The following HMGN1 variants were observed in gnomAD, a reference collection of about 807,000 sequenced individuals.
HMGN1 encodes high mobility group nucleosome binding domain 1.
HMGN1 carries 9 observed loss-of-function variants against 18.4 expected under a neutral mutation model. The observed-to-expected ratio is 0.49, with a 90% CI of 0.29 to 0.85. HMGN1 has a LOEUF of 0.85. Among genes scored for constraint, HMGN1 ranks in the 40% least tolerant of loss-of-function variants. The probability of loss-of-function intolerance (pLI) is 0.07; values close to 1 mark genes in which losing one functional copy is unlikely to be tolerated. For missense variants in HMGN1, 151 were observed against 119.2 expected (o/e 1.27, Z -1.24); for synonymous variants, 59 against 45.0 (o/e 1.31, Z -1.24).
intron 5 of HMGN1, among the ~76,000 whole-genome samples, 169 bp downstream of exon 5, chr21:39,344,977 C>G (rs8127408): frequency 6.6e-6 from 1 of 152,154 alleles, no homozygotes; most frequent in Non-Finnish European, 1.5e-5. Context: ...TTTCCAATAA[C>G]ATAAATCATA....
At position 39,348,438 on chromosome 21, in the gene HMGN1, G is replaced by C. The variant is rs759884924; in HGVS notation, c.62C>G (p.Ser21Trp). The C allele has an allele frequency of 2.4e-5, 38 of 1,614,062 alleles. No homozygotes were observed. Among genetic ancestry groups the C allele is most frequent in the Non-Finnish European group, 3.2e-5 (38 of 1,180,036 alleles). ...TTTACTTACAGCTGACAACCGCGCCGATCTCCTCTTGGGCTTGGAGAAAGA... is the reference window on the plus strand; with the variant it reads ...TTTACTTACAGCTGACAACCGCGCCCATCTCCTCTTGGGCTTGGAGAAAGA... ...GAAKEEPKRR[S>W]ARLSAKPPAK... The change falls in exon 3 of 6, where the codon TCG (serine) becomes TGG (tryptophan). Residue 21 changes from serine to tryptophan, a missense_variant. Coordinates refer to ENST00000380749, the MANE Select transcript of HMGN1 (RefSeq NM_004965.7).
Position 39,342,753 on chromosome 21 carries a change from A to G in HMGN1, c.*359T>C. On this transcript the variant is annotated 3_prime_UTR_variant, in exon 6 of 6. Coordinates refer to ENST00000380749, the MANE Select transcript of HMGN1 (RefSeq NM_004965.7). ...AGAAGTAATTTAAAATGTTCAAGAC[A>G]TTAAATGCAGGACTGACTCCATATT... is the stretch of plus-strand genomic sequence containing the variant. The G allele has an allele frequency of 1.8e-6, 1 of 562,064 alleles. No individual in the cohort carries two copies. The highest frequency in any genetic ancestry group is 2.8e-6 in the Non-Finnish European group (1 of 354,606). The allele number at this position is 562,064 out of a possible 1,614,324, so 34.8% of individuals were successfully genotyped here. A position where few individuals can be genotyped will look rare whatever the true frequency, so the allele number is the denominator to read the frequency against.
At chr21:39,347,306 CAT>C (rs1342953687) in intron 4 of HMGN1, 2 of 967,110 alleles carry the variant, frequency 2.1e-6, no homozygotes, top group Non-Finnish European at 2.6e-6. Context: ...TTAAAGAAAA[CAT>C]AGTTAACATT....
intron 5 of HMGN1, among the ~76,000 whole-genome samples, chr21:39,343,757 T>C (rs546012285): frequency 6.6e-6 from 1 of 152,332 alleles, no homozygotes; most frequent in Admixed American, 6.5e-5. Context: ...ATCAGAGGTT[T>C]GTAGGAACCC....
At position 39,348,305 on chromosome 21, in the gene HMGN1, T is replaced by C. The variant is rs754738192; in HGVS notation, c.113A>G (p.Lys38Arg). 4 of 1,614,022 alleles carry C rather than the reference T, an allele frequency of 2.5e-6. No individual in the cohort carries two copies. The highest frequency in any genetic ancestry group is 1.1e-5 in the South Asian group (1 of 91,090). Reference protein sequence around the residue: ...PPAKVEAKPKKAAAKDKSSDK... With the variant: ...PPAKVEAKPKRAAAKDKSSDK... ...TTCGAGGCTTACCTTCGCTGCTGCC[T>C]TTTTCGGCTTCGCTTCCACTTTTGC... The change falls in exon 4 of 6, where the codon AAG becomes AGG. Residue 38 changes from lysine to arginine, a missense_variant. Transcript: ENST00000380749.
chr21:39,346,322 G>C (rs576097465), intron 4 of HMGN1: 6 of 195,892 alleles, frequency 3.1e-5, no homozygotes, highest in Non-Finnish European at 5.3e-5. Flanking sequence ...AACATCCTTT[G>C]AGTAACAAAT....
intron 2 of HMGN1, 21 bp downstream of exon 2, chr21:39,348,524 C>G: frequency 4.3e-6 from 7 of 1,613,484 alleles, no homozygotes; most frequent in Non-Finnish European, 5.9e-6. Context: ...CCACCACCCC[C>G]CGCAGAAGGC....
chr21:39,347,362 A>C, intron 4 of HMGN1: 1 of 1,094,228 alleles, frequency 9.1e-7, no homozygotes, highest in Non-Finnish European at 1.2e-6. Context: ...AAAAGAAAAA[A>C]CATCTTTGTT....
At chr21:39,345,833 A>G (rs78528882) in intron 4 of HMGN1, 1 of 1,300,052 alleles carries the variant, frequency 7.7e-7, no homozygotes, top group Non-Finnish European at 1.0e-6. Context: ...CAATCACCTG[A>G]AAAAAAGCAC....
At chr21:39,345,350 A>G (rs547735774) in intron 4 of HMGN1, 76 bp from the exon 5 acceptor site, 3 of 1,443,172 alleles carry the variant, frequency 2.1e-6, no homozygotes, top group African/African-American at 2.8e-5. Context: ...TTTCCCCTTC[A>G]TGTCAGACAA....
intron 4 of HMGN1, chr21:39,345,695 C>A (rs2037026324): frequency 1.1e-5 from 6 of 537,558 alleles, no homozygotes; most frequent in Non-Finnish European, 1.6e-5. Flanking sequence ...TACAGTTCCA[C>A]ATGACAGGAC....
chr21:39,346,574 AAATC>A (rs760928887), intron 4 of HMGN1: 7 of 152,434 alleles, frequency 4.6e-5, no homozygotes, highest in Non-Finnish European at 8.8e-5. Context: ...GATTAAAAAA[AAATC>A]AATCAAGTTT....
chr21:39,348,057 A>C lies in HMGN1; in HGVS notation c.126+235T>G, dbSNP rs2037121939. 5 of 1,019,524 alleles carry C rather than the reference A, an allele frequency of 4.9e-6. No homozygotes were observed. The Admixed American group carries it at 1.3e-4, about 26-fold the overall frequency. 63.2% of individuals were successfully genotyped at this position (1,019,524 alleles called of 1,614,324 possible). On this transcript the variant is annotated intron_variant, in intron 4 of 5. Transcript: ENST00000380749. Reference sequence around the variant, plus strand: ...ATTTCCTTTGTAGACTTAATATTTAATATTTTTTGTCGTCCTAAGTCTCCT... The same window carrying C: ...ATTTCCTTTGTAGACTTAATATTTACTATTTTTTGTCGTCCTAAGTCTCCT...
rs1385473453 is a variant in HMGN1 at position 39,348,886 on chromosome 21, C to T, written c.15+17G>A. The T allele has an allele frequency of 3.5e-6, 4 of 1,142,376 alleles. No homozygotes were observed. The highest frequency in any genetic ancestry group is 1.7e-5 in the African/African-American group (1 of 58,880). 70.8% of individuals were successfully genotyped at this position (1,142,376 alleles called of 1,614,324 possible). A position where few individuals can be genotyped will look rare whatever the true frequency, so the allele number is the denominator to read the frequency against. On this transcript the variant is annotated intron_variant, in intron 1 of 5. Transcript: ENST00000380749. Reference sequence around the variant, plus strand: ...GGCGGCTCCAGGGGGCGTGTGCGGGCCGCGGCCGCCGCTCACCTTCCTCTT... The same window carrying T: ...GGCGGCTCCAGGGGGCGTGTGCGGGTCGCGGCCGCCGCTCACCTTCCTCTT...
intron 4 of HMGN1, 161 bp downstream of exon 4, chr21:39,348,131 A>C: frequency 2.1e-6 from 2 of 960,916 alleles, no homozygotes; most frequent in Non-Finnish European, 3.1e-6. Flanking sequence ...ACCAGGATGA[A>C]TATATCCATT....
intron 4 of HMGN1, chr21:39,346,052 T>C: frequency 1.4e-6 from 1 of 697,126 alleles, no homozygotes. Context: ...TACTTTTAGA[T>C]ACCATCCATC....
At chr21:39,348,811 C>T (rs2146861862) in intron 1 of HMGN1, 92 bp downstream of exon 1, 1 of 1,078,314 alleles carries the variant, frequency 9.3e-7, no homozygotes, top group Non-Finnish European at 1.2e-6. Context: ...CCCGTCGCCA[C>T]CGTGGGTGCA....
chr21:39,348,764 C>A lies in HMGN1; in HGVS notation c.15+139G>T, dbSNP rs2037162336. The A allele has an allele frequency of 3.8e-6, 4 of 1,061,192 alleles. No homozygotes were observed. The South Asian group carries it at 6.6e-5, about 18-fold the overall frequency. 65.7% of individuals were successfully genotyped at this position (1,061,192 alleles called of 1,614,324 possible). On this transcript the variant is annotated intron_variant, in intron 1 of 5. Coordinates refer to ENST00000380749, the MANE Select transcript of HMGN1 (RefSeq NM_004965.7). ...CCCGCCCCCGCGGCCGCCGAGCGCT[C>A]GCCTGCCCGCCCGCCGGTCTCCAAG...
intron 4 of HMGN1, chr21:39,347,969 A>C (rs1179546821): frequency 2.5e-6 from 3 of 1,224,424 alleles, no homozygotes; most frequent in Admixed American, 4.1e-5. Flanking sequence ...TTGTCAAAAA[A>C]GGAAGTACAA....
Sources: allele counts gnomAD v4.1 joint callset (sites outside exome capture counted in the v4.1 genomes callset), GRCh38; gene constraint gnomAD v4.1.1; transcripts MANE v1.5; gene names NCBI Gene and HGNC (gene_info 2026-07-23, HGNC 2026-07-21).